Variants in DMC1 observed in about 807,000 individuals in gnomAD.
DMC1 encodes the protein DNA meiotic recombinase 1.
A neutral mutation model predicts 50.1 loss-of-function variants in DMC1; 27 were observed. That is an observed-to-expected ratio of 0.54 (90% CI 0.40 to 0.74). The LOEUF (loss-of-function observed/expected upper bound fraction) is 0.74. DMC1 is among the 30% of genes least tolerant of loss of function. The probability of loss-of-function intolerance (pLI) is 0.00; values close to 1 mark genes in which losing one functional copy is unlikely to be tolerated. For missense variants in DMC1, 295 were observed against 420.2 expected (o/e 0.70, Z 2.60); for synonymous variants, 148 against 136.1 (o/e 1.09, Z -0.61).
intron 12 of DMC1, among the ~76,000 whole-genome samples, chr22:38,526,208 G>A (rs1263632168): frequency 6.6e-6 from 1 of 151,676 alleles, no homozygotes; most frequent in African/African-American, 2.4e-5. Flanking sequence ...TCAAATTTAT[G>A]GATTTTTTTT....
At chr22:38,539,276 C>A (rs1248989912) in intron 9 of DMC1, 45 bp downstream of exon 9, 1 of 1,402,872 alleles carries the variant, frequency 7.1e-7, no homozygotes, top group African/African-American at 1.4e-5. Context: ...ATCAGTGCTG[C>A]CAACCTTACA....
Position 38,566,461 on chromosome 22 carries a change from TG to T in DMC1, c.243+128del, listed in dbSNP as rs2090581975. On this transcript the variant is annotated intron_variant, in intron 4 of 13. Transcript: ENST00000216024. ...AAACTGAAGTGATAAAAAGTTAACA[TG>T]GGGAGTATAATATACTGTGATCTAC... is the stretch of plus-strand genomic sequence containing the variant. 72 of 964,704 alleles carry T rather than the reference TG, an allele frequency of 7.5e-5. No individual in the cohort carries two copies. The South Asian group carries it at 9.7e-4, about 13-fold the overall frequency. 59.8% of individuals were successfully genotyped at this position (964,704 alleles called of 1,614,324 possible).
intron 8 of DMC1, among the ~76,000 whole-genome samples, chr22:38,548,642 G>A (rs139442824): frequency 1.6e-4 from 24 of 152,294 alleles, no homozygotes; most frequent in African/African-American, 4.1e-4. Flanking sequence ...GGGAGGCTGA[G>A]GTGGGTGGAT....
chr22:38,561,571 A>T lies in DMC1; in HGVS notation c.326+716T>A, dbSNP rs1182139950. On this transcript the variant is annotated intron_variant, in intron 5 of 13. Transcript: ENST00000216024. ...AGATGAGGGAGACTTTGGGAGAAGC[A>T]GATTTGGGGCAAAGGTCAGAAGTTT... Among the ~76,000 whole-genome samples the T allele has an allele frequency of 2.0e-5, 3 of 152,222 alleles. No individual in the cohort carries two copies. The East Asian group carries it at 5.8e-4, about 29-fold the overall frequency.
Position 38,552,718 on chromosome 22 carries a change from C to G in DMC1, c.380-11G>C. The G allele has an allele frequency of 1.9e-6, 3 of 1,567,958 alleles. No homozygotes were observed. Among genetic ancestry groups the G allele is most frequent in the Non-Finnish European group, 2.6e-6 (3 of 1,138,920 alleles). On this transcript the variant is annotated splice_polypyrimidine_tract_variant and intron_variant, in intron 6 of 13. Coordinates refer to ENST00000216024, the MANE Select transcript of DMC1 (RefSeq NM_007068.4). ...TTCCAGTACGAAATTCTGTGAAATA[C>G]AGAAAAAAATGATTTTAAAAATGCA...
In DMC1 at chr22:38,521,676, A is replaced by G. The variant is rs753933840; in HGVS notation, c.885T>C (p.His295=). 4.3e-6 allele frequency: 7 copies of G among 1,613,794 alleles called. No individual in the cohort carries two copies. Among genetic ancestry groups the G allele is most frequent in the African/African-American group, 1.3e-5 (1 of 74,992 alleles). ...KKPIGGHILA[H]ASTTRISLRK... ...GCAAGCTTATTCTTGTTGTTGAAGCATGAGCCAGAATGTGTCCCCCAATGG... is the reference window on the plus strand; with the variant it reads ...GCAAGCTTATTCTTGTTGTTGAAGCGTGAGCCAGAATGTGTCCCCCAATGG... Residue 295 remains histidine (H), a synonymous_variant, in exon 13 of 14, where the codon CAT becomes CAC. Coordinates refer to ENST00000216024, the MANE Select transcript of DMC1 (RefSeq NM_007068.4).
intron 12 of DMC1, among the ~76,000 whole-genome samples, chr22:38,535,110 T>C (rs1221654131): frequency 2.0e-5 from 3 of 151,418 alleles, no homozygotes; most frequent in African/African-American, 7.3e-5. Flanking sequence ...CCATCCTGGC[T>C]AACACGGTGA....
downstream of DMC1, among the ~76,000 whole-genome samples, chr22:38,518,059 G>A (rs781717795): frequency 6.6e-6 from 1 of 150,404 alleles, no homozygotes; most frequent in Admixed American, 6.7e-5. Context: ...TGCAACCTCC[G>A]CCTCCTGGGT....
rs188094570 is a variant in DMC1 at position 38,564,719 on chromosome 22, T to C, written c.243+1871A>G. Among the ~76,000 whole-genome samples, 499 of 152,362 alleles carry C rather than the reference T, an allele frequency of 3.3e-3. 2 individuals carry two copies. Among genetic ancestry groups the C allele is most frequent in the Non-Finnish European group, 5.3e-3 (361 of 68,038 alleles). On this transcript the variant is annotated intron_variant, in intron 4 of 13. Coordinates refer to ENST00000216024, the MANE Select transcript of DMC1 (RefSeq NM_007068.4). The stretch of plus-strand genomic sequence containing the variant: ...GGTGCTTGAGAAAGAGAGAGGTTCT[T>C]TTCTTTGGTAATAAGATTTAATTTC...
At chr22:38,526,455 A>C (rs8139022) in intron 12 of DMC1, among the ~76,000 whole-genome samples, 8,735 of 151,464 alleles carry the variant, frequency 0.058, 540 homozygotes, top group African/African-American at 0.15. Context: ...TGATCTGCCC[A>C]CCTCAGCCTC....
At chr22:38,528,063 A>T (rs572255748) in intron 12 of DMC1, among the ~76,000 whole-genome samples, 4 of 139,946 alleles carry the variant, frequency 2.9e-5, no homozygotes, top group South Asian at 2.3e-4. Context: ...TATATATTGA[A>T]TTTTTTTTTT....
At chr22:38,546,646 G>A (rs1329553507) in intron 8 of DMC1, among the ~76,000 whole-genome samples, 1 of 152,096 alleles carries the variant, frequency 6.6e-6, no homozygotes, top group Non-Finnish European at 1.5e-5. Context: ...TTCTAAGTGA[G>A]TATTTTAGAT....
intron 7 of DMC1, among the ~76,000 whole-genome samples, chr22:38,552,050 AC>A (rs2090418685): frequency 6.6e-6 from 1 of 151,240 alleles, no homozygotes; most frequent in African/African-American, 2.4e-5. Flanking sequence ...TTTAGTAGAG[AC>A]CGGGTTTCAC....
intron 4 of DMC1, among the ~76,000 whole-genome samples, chr22:38,562,734 GTACACATATATACACACGTTATA>G (rs2090540884): frequency 6.6e-6 from 1 of 150,850 alleles, no homozygotes; most frequent in Admixed American, 6.6e-5. Context: ...ACATATACAT[GTACACATATATACACACGTTATA>G]TACACATATA....
At chr22:38,515,565 G>A (rs761903818), downstream of DMC1, among the ~76,000 whole-genome samples, 4 of 151,956 alleles carry the variant, frequency 2.6e-5, no homozygotes, top group Non-Finnish European at 5.9e-5. Flanking sequence ...TTGGGAGGCT[G>A]AGGTGGGTGG....
At chr22:38,542,970 G>T (rs2090302752) in intron 8 of DMC1, among the ~76,000 whole-genome samples, 1 of 152,194 alleles carries the variant, frequency 6.6e-6, no homozygotes, top group Non-Finnish European at 1.5e-5. Flanking sequence ...GGTCTCTTCA[G>T]TAAATGGTGC....
At chr22:38,555,610 T>C (rs11570402) in intron 5 of DMC1, among the ~76,000 whole-genome samples, 2,714 of 152,234 alleles carry the variant, frequency 0.018, 40 homozygotes, top group Middle Eastern at 0.037. Context: ...GGTTCTATTG[T>C]GTATGGGCAA....
chr22:38,568,577 G>T (rs2090605876), intron 1 of DMC1, among the ~76,000 whole-genome samples: 1 of 152,080 alleles, frequency 6.6e-6, no homozygotes, highest in Admixed American at 6.5e-5. Context: ...CTTATCATCT[G>T]GTTTCCATTG....
rs1415266304 is a variant in DMC1 at position 38,568,313 on chromosome 22, TAAG to T, written c.-33-27_-33-25del. ...TTCTGGGAAAATAAGAAATATTATG[TAAG>T]AAGTAGTCCTTTGTCCAGGGGCCTC... On this transcript the variant is annotated intron_variant, in intron 1 of 13. Transcript: ENST00000216024. The T allele has an allele frequency of 5.1e-6, 8 of 1,555,296 alleles. No individual in the cohort carries two copies. In the East Asian group the frequency reaches 1.6e-4, roughly 31 times the overall value.
Sources: allele counts gnomAD v4.1 joint callset (sites outside exome capture counted in the v4.1 genomes callset), GRCh38; gene constraint gnomAD v4.1.1; transcripts MANE v1.5; gene names NCBI Gene and HGNC (gene_info 2026-07-23, HGNC 2026-07-21).